Variants in ARHGAP27 observed in about 807,000 individuals in gnomAD.
ARHGAP27 encodes Rho GTPase activating protein 27.
In ARHGAP27, 53 loss-of-function variants were observed where a neutral mutation model predicts 102.0. The observed-to-expected ratio is 0.52, with a 90% CI of 0.42 to 0.65. The LOEUF is 0.65. ARHGAP27 is among the 30% of genes least tolerant of loss of function. The pLI, the probability that ARHGAP27 is intolerant of heterozygous loss-of-function variation, is 0.00. For synonymous variants in ARHGAP27, 525 were observed against 542.8 expected, an observed-to-expected ratio of 0.97 and a Z score of 0.46; for missense variants, 1,117 against 1,256.2, an observed-to-expected ratio of 0.89 and a Z score of 1.68.
chr17:45,396,095 G>A lies in ARHGAP27; in HGVS notation c.2274C>T (p.Asp758=). 1.2e-6 allele frequency: 2 copies of A among 1,612,852 alleles called. No individual in the cohort carries two copies. The highest frequency in any genetic ancestry group is 8.5e-7 in the Non-Finnish European group (1 of 1,179,274). Residue 758 remains aspartate, a synonymous_variant, in exon 18 of 20, where the codon GAC becomes GAT. Coordinates refer to ENST00000685559, the MANE Select transcript of ARHGAP27 (RefSeq NM_001282290.2). ...TAACGTGGACGTCCTCCCAGCGCCCGTCATCCAGGTCAAGGCGCTCATCTG... is the reference window on the plus strand; with the variant it reads ...TAACGTGGACGTCCTCCCAGCGCCCATCATCCAGGTCAAGGCGCTCATCTG... ...VDHDERLDLD[D]GRWEDVHVIT...
chr17:45,399,625 T>G (rs1010897945), intron 12 of ARHGAP27, among the ~76,000 whole-genome samples: 7 of 68,648 alleles, frequency 1.0e-4, no homozygotes, highest in African/African-American at 3.6e-4. Context: ...GAAAAGAAAA[T>G]GGCATATCTC....
intron 4 of ARHGAP27, among the ~76,000 whole-genome samples, chr17:45,428,892 C>T (rs1198530832): frequency 6.6e-6 from 1 of 152,204 alleles, no homozygotes; most frequent in African/African-American, 2.4e-5. Context: ...GGATGTAAGA[C>T]CTGTTTTTAA....
At chr17:45,402,458 C>T (rs1261969229) in intron 12 of ARHGAP27, among the ~76,000 whole-genome samples, 1 of 152,128 alleles carries the variant, frequency 6.6e-6, no homozygotes, top group African/African-American at 2.4e-5. Flanking sequence ...AATGGTAGCC[C>T]CAATTCTTCC....
chr17:45,432,710 C>T (rs1390570585), intron 1 of ARHGAP27, 42 bp downstream of exon 1: 3 of 149,586 alleles, frequency 2.0e-5, no homozygotes, highest in South Asian at 2.1e-4. Flanking sequence ...CACCCCCAAC[C>T]CCCGCTCGGC....
At chr17:45,411,668 G>A (rs918518457) in intron 4 of ARHGAP27, among the ~76,000 whole-genome samples, 1 of 152,108 alleles carries the variant, frequency 6.6e-6, no homozygotes, top group African/African-American at 2.4e-5. Context: ...CAGACCCCAG[G>A]GGTAGACTAA....
chr17:45,397,733 C>G (rs894340594), intron 13 of ARHGAP27: 2 of 423,416 alleles, frequency 4.7e-6, no homozygotes, highest in African/African-American at 4.0e-5. Flanking sequence ...CTACCCTCAC[C>G]TGGAGAGTCT....
At chr17:45,416,548 C>CT (rs2048478874) in intron 4 of ARHGAP27, among the ~76,000 whole-genome samples, 1 of 146,146 alleles carries the variant, frequency 6.8e-6, no homozygotes, top group African/African-American at 2.5e-5. Flanking sequence ...TAACTGTATT[C>CT]TTTTTTTAAT....
intron 4 of ARHGAP27, among the ~76,000 whole-genome samples, chr17:45,419,236 C>T (rs577692585): frequency 5.6e-4 from 85 of 152,206 alleles, no homozygotes; most frequent in African/African-American, 1.6e-3. Flanking sequence ...CATAAATAAA[C>T]AAGTATATAA....
intron 4 of ARHGAP27, among the ~76,000 whole-genome samples, chr17:45,429,080 C>T (rs1321446551): frequency 6.6e-6 from 1 of 152,232 alleles, no homozygotes; most frequent in Non-Finnish European, 1.5e-5. Flanking sequence ...CTTTCACATC[C>T]ACCCTCTCAT....
rs1057001865 is a variant in ARHGAP27 at position 45,427,170 on chromosome 17, C to T, written c.657+2453G>A. 3.9e-5 allele frequency among the ~76,000 whole-genome samples: 6 copies of T among 152,084 alleles called. No individual in the cohort carries two copies. Among genetic ancestry groups the T allele is most frequent in the Middle Eastern group, 3.4e-3 (1 of 294 alleles). On this transcript the variant is annotated intron_variant, in intron 4 of 19. Transcript: ENST00000685559. This position sits in a 1 kb window ranked among gnomAD's most constrained non-coding sequence, Gnocchi z 4.5. ...AAACCTCTGTTTCCACACATGCCCA[C>T]GAGACCACCAAGAGCTTCAGCCATT...
In ARHGAP27 at chr17:45,427,412, C is replaced by G. The variant is rs548035492; in HGVS notation, c.657+2211G>C. ...TCCAAGAGGGTGAGTCCCCCAGGAT[C>G]GTGGCTGTGCCTCAGTCCTCTCCAG... On this transcript the variant is annotated intron_variant, in intron 4 of 19. Coordinates refer to ENST00000685559, the MANE Select transcript of ARHGAP27 (RefSeq NM_001282290.2). The surrounding 1 kb of genome is among the most constrained non-coding windows in gnomAD (Gnocchi z 4.5). Among the ~76,000 whole-genome samples the G allele has an allele frequency of 6.6e-6, 1 of 152,256 alleles. No individual in the cohort carries two copies. The highest frequency in any genetic ancestry group is 1.5e-5 in the Non-Finnish European group (1 of 68,050).
intron 17 of ARHGAP27, 44 bp downstream of exon 17, chr17:45,396,163 T>G: frequency 6.3e-7 from 1 of 1,595,444 alleles, no homozygotes; most frequent in Non-Finnish European, 8.6e-7. Context: ...TCAGTACCCC[T>G]TGCGCCTTCA....
At chr17:45,416,520 T>C (rs2048474323) in intron 4 of ARHGAP27, among the ~76,000 whole-genome samples, 1 of 151,524 alleles carries the variant, frequency 6.6e-6, no homozygotes, top group South Asian at 2.1e-4. Flanking sequence ...CTTGCTATTG[T>C]TAAATCTAGG....
chr17:45,404,664 G>GT lies in ARHGAP27; in HGVS notation c.1265dup (p.Asp422GlufsTer33), dbSNP rs762482494. ...TGTAGAAGTATGGCTTCCCGTGGGGGTCCTCCAGCCTCACCCACTGTGGGG... is the reference window on the plus strand; with the variant it reads ...TGTAGAAGTATGGCTTCCCGTGGGGGTTCCTCCAGCCTCACCCACTGTGGGG... On this transcript the variant is annotated frameshift_variant, in exon 7 of 20. Transcript: ENST00000685559. LOFTEE classifies it high-confidence loss of function. 1.2e-6 allele frequency: 2 copies of GT among 1,612,576 alleles called. No individual in the cohort carries two copies. Among genetic ancestry groups the GT allele is most frequent in the Non-Finnish European group, 8.5e-7 (1 of 1,179,580 alleles).
chr17:45,395,698 CA>C, intron 19 of ARHGAP27, 45 bp downstream of exon 19: 1 of 1,567,130 alleles, frequency 6.4e-7, no homozygotes, highest in Non-Finnish European at 8.6e-7. Context: ...CTGGGGGCTT[CA>C]GCCGGGACCT....
rs1230215253 is a variant in ARHGAP27 at position 45,394,632 on chromosome 17, T to C, written c.*824A>G. ...GAACTGATTTTCCCCCTACCCAGGC[T>C]GTACTCTGGTGTGGGAGGAGCCTTT... On this transcript the variant is annotated 3_prime_UTR_variant, in exon 20 of 20. Coordinates refer to ENST00000685559, the MANE Select transcript of ARHGAP27 (RefSeq NM_001282290.2). 1 of 152,300 alleles carries C rather than the reference T, an allele frequency of 6.6e-6. No individual in the cohort carries two copies. Among genetic ancestry groups the C allele is most frequent in the Non-Finnish European group, 1.5e-5 (1 of 68,082 alleles). The allele number at this position is 152,300 out of a possible 1,614,324, so 9.4% of individuals were successfully genotyped here.
intron 4 of ARHGAP27, among the ~76,000 whole-genome samples, chr17:45,428,289 A>G (rs1437308004): frequency 6.6e-6 from 1 of 152,240 alleles, no homozygotes; most frequent in Non-Finnish European, 1.5e-5. Flanking sequence ...GACCCAGGGA[A>G]GCCAAACCAG....
At chr17:45,426,303 C>T (rs1019626260) in intron 4 of ARHGAP27, among the ~76,000 whole-genome samples, 2 of 152,126 alleles carry the variant, frequency 1.3e-5, no homozygotes, top group Non-Finnish European at 2.9e-5. Flanking sequence ...GGAGCTTAAC[C>T]CTGGGTTACA....
intron 4 of ARHGAP27, chr17:45,407,578 G>A (rs559783610): frequency 1.4e-5 from 2 of 139,112 alleles, no homozygotes; most frequent in East Asian, 2.1e-4. Context: ...GGAATGGTGT[G>A]ATCTCGGCTC....
Sources: gnomAD v4.1 joint callset for allele counts (sites outside exome capture counted in the v4.1 genomes callset) on GRCh38, gnomAD v4.1.1 for gene constraint, Gnocchi (gnomAD v3.1) non-coding constraint, MANE v1.5 for transcripts, NCBI Gene and HGNC (gene_info 2026-07-23, HGNC 2026-07-21) for gene names.